Variants in IGDCC3 observed in about 807,000 individuals in gnomAD.
IGDCC3 encodes the protein immunoglobulin superfamily DCC subclass member 3, also known as putative neuronal cell adhesion molecule.
A neutral mutation model predicts 72.0 loss-of-function variants in IGDCC3; 47 were observed. That is an observed-to-expected ratio of 0.65 (90% CI 0.52 to 0.83). The LOEUF is 0.83. Among genes scored for constraint, IGDCC3 ranks in the 40% least tolerant of loss-of-function variants. The pLI, the probability that IGDCC3 is intolerant of heterozygous loss-of-function variation, is 0.00. For missense variants in IGDCC3, 1,038 were observed against 1,091.3 expected, an observed-to-expected ratio of 0.95 and a Z score of 0.69; for synonymous variants, 477 against 472.8, an observed-to-expected ratio of 1.01 and a Z score of -0.11.
chr15:65,376,724 C>A (rs1035460283), intron 1 of IGDCC3, among the ~76,000 whole-genome samples: 17 of 152,176 alleles, frequency 1.1e-4, no homozygotes, highest in African/African-American at 3.6e-4. Context: ...GTCTTAGCCC[C>A]GAATCCAACC....
chr15:65,376,818 C>T (rs956137007), intron 1 of IGDCC3, among the ~76,000 whole-genome samples: 26 of 152,078 alleles, frequency 1.7e-4, no homozygotes, highest in African/African-American at 5.8e-4. Flanking sequence ...GAGAGAATAG[C>T]CCAGATGAGT....
At chr15:65,362,169 GA>G (rs1236332452) in intron 2 of IGDCC3, among the ~76,000 whole-genome samples, 1 of 152,032 alleles carries the variant, frequency 6.6e-6, no homozygotes, top group Non-Finnish European at 1.5e-5. Context: ...TGTTCAGGAT[GA>G]AAATGGGGTA....
intron 2 of IGDCC3, among the ~76,000 whole-genome samples, chr15:65,367,138 G>A (rs1014444523): frequency 2.0e-5 from 3 of 152,124 alleles, no homozygotes; most frequent in Non-Finnish European, 4.4e-5. Context: ...GAGGATAGAC[G>A]TTTCAGATCA....
At chr15:65,371,554 T>G (rs1012389410) in intron 2 of IGDCC3, among the ~76,000 whole-genome samples, 2 of 152,256 alleles carry the variant, frequency 1.3e-5, no homozygotes, top group African/African-American at 4.8e-5. Flanking sequence ...TTGTCAGTCC[T>G]TGGCCTAGAA....
rs548073410 is a variant in IGDCC3 at position 65,377,559 on chromosome 15, C to A, written c.103+127G>T. ...CCCCGTCCGGATCCGCAGGGTCCCC[C>A]CCGCGCGGGGTCCGCCCTCAGGTCC... On this transcript the variant is annotated intron_variant, in intron 1 of 13. Transcript: ENST00000327987. This position sits in a 1 kb window ranked among gnomAD's most constrained non-coding sequence, Gnocchi z 4.9. 7.8e-4 allele frequency: 772 copies of A among 984,544 alleles called. 2 individuals are homozygous for A. The African/African-American group carries it at 0.012, about 15-fold the overall frequency. The allele number at this position is 984,544 out of a possible 1,614,324, so 61.0% of individuals were successfully genotyped here.
intron 5 of IGDCC3, 113 bp downstream of exon 5, chr15:65,334,615 A>C (rs1291455014): frequency 1.2e-5 from 12 of 1,001,246 alleles, no homozygotes; most frequent in African/African-American, 1.7e-5. Flanking sequence ...GGACCCCCAC[A>C]GAGAACAAAC....
chr15:65,335,880 G>T lies in IGDCC3; in HGVS notation c.486C>A (p.Ile162=). The T allele has an allele frequency of 6.2e-7, 1 of 1,614,176 alleles. No individual in the cohort carries two copies. The highest frequency in any genetic ancestry group is 8.5e-7 in the Non-Finnish European group (1 of 1,180,004). Residue 162 remains isoleucine (I), a synonymous_variant, in exon 3 of 14, where the codon ATC becomes ATA. Coordinates refer to ENST00000327987, the MANE Select transcript of IGDCC3 (RefSeq NM_004884.4). ...EGGVARFQCQ[I]HGLPKPLITW... The stretch of plus-strand genomic sequence containing the variant: ...TGATCAGGGGTTTGGGAAGCCCATG[G>T]ATTTGGCACTGGAAGCGGGCCACAC...
chr15:65,374,460 A>G lies in IGDCC3; in HGVS notation c.409+637T>C, dbSNP rs2091345752. 2.6e-5 allele frequency among the ~76,000 whole-genome samples: 4 copies of G among 152,324 alleles called. No individual in the cohort carries two copies. The South Asian group carries it at 8.3e-4, about 32-fold the overall frequency. On this transcript the variant is annotated intron_variant, in intron 2 of 13. Coordinates refer to ENST00000327987, the MANE Select transcript of IGDCC3 (RefSeq NM_004884.4). Reference sequence around the variant, plus strand: ...CGATCAAGCAGCACAAGCAAAGCACAATTCTAGAGCTGAAACATCTTGCCT... The same window carrying G: ...CGATCAAGCAGCACAAGCAAAGCACGATTCTAGAGCTGAAACATCTTGCCT...
At chr15:65,332,439 T>C (rs1454047438) in intron 6 of IGDCC3, among the ~76,000 whole-genome samples, 1 of 152,202 alleles carries the variant, frequency 6.6e-6, no homozygotes, top group African/African-American at 2.4e-5. Flanking sequence ...CTAATAGGTT[T>C]GGCTGCACCT....
At position 65,375,308 on chromosome 15, in the gene IGDCC3, C is replaced by T. The variant is rs1219020285; in HGVS notation, c.198G>A (p.Glu66=). ...GQPIVLDCRV[E]GTPPVRITWR... ...AGGTGATTCGCACTGGAGGGGTCCC[C>T]TCCACCCTGCAGTCCAGCACTATAG... The change falls in exon 2 of 14, where the codon GAG becomes GAA. Residue 66 remains glutamate, a synonymous_variant. Transcript: ENST00000327987. The T allele has an allele frequency of 6.2e-7, 1 of 1,614,044 alleles. No individual in the cohort carries two copies. Among genetic ancestry groups the T allele is most frequent in the Non-Finnish European group, 8.5e-7 (1 of 1,180,034 alleles).
intron 2 of IGDCC3, among the ~76,000 whole-genome samples, chr15:65,358,247 A>C (rs1334342142): frequency 1.3e-5 from 2 of 151,642 alleles, no homozygotes; most frequent in African/African-American, 4.9e-5. Flanking sequence ...CTGGGACTAC[A>C]GGCACCCACC....
chr15:65,376,633 G>T (rs1373776053), intron 1 of IGDCC3, among the ~76,000 whole-genome samples: 3 of 114,512 alleles, frequency 2.6e-5, no homozygotes, highest in Non-Finnish European at 5.1e-5. Context: ...CCCCGGCCCA[G>T]GAAGATGTAA....
Position 65,335,325 on chromosome 15 carries a change from G to A in IGDCC3, c.651C>T (p.Ile217=). The A allele has an allele frequency of 1.9e-6, 3 of 1,613,648 alleles. No individual in the cohort carries two copies. Among genetic ancestry groups the A allele is most frequent in the Non-Finnish European group, 2.5e-6 (3 of 1,179,770 alleles). ...FHCVASNIAS[I]RISHGARLTV... Reference sequence around the variant, plus strand: ...TGAGCCTGGCCCCGTGGCTGATCCGGATACTGGCGATGTTTGAGGCCACAC... The same window carrying A: ...TGAGCCTGGCCCCGTGGCTGATCCGAATACTGGCGATGTTTGAGGCCACAC... The change falls in exon 4 of 14, where the codon ATC becomes ATT. Residue 217 remains isoleucine, a synonymous_variant. Coordinates refer to ENST00000327987, the MANE Select transcript of IGDCC3 (RefSeq NM_004884.4).
chr15:65,372,659 C>T (rs2091334070), intron 2 of IGDCC3, among the ~76,000 whole-genome samples: 1 of 152,114 alleles, frequency 6.6e-6, no homozygotes, highest in Non-Finnish European at 1.5e-5. Context: ...AGCATGCCCC[C>T]TCCCCACGGG....
chr15:65,369,115 C>T (rs767857614), intron 2 of IGDCC3, among the ~76,000 whole-genome samples: 1 of 152,156 alleles, frequency 6.6e-6, no homozygotes, highest in Non-Finnish European at 1.5e-5. Context: ...ACCACAAATG[C>T]TCCCTGCCTT....
intron 2 of IGDCC3, among the ~76,000 whole-genome samples, chr15:65,350,563 G>T (rs2091165322): frequency 6.6e-6 from 1 of 151,204 alleles, no homozygotes; most frequent in Non-Finnish European, 1.5e-5. Context: ...CCAAGTTCAA[G>T]CAATTCTCCT....
intron 2 of IGDCC3, among the ~76,000 whole-genome samples, chr15:65,355,180 C>T (rs931348542): frequency 2.0e-5 from 3 of 152,194 alleles, no homozygotes; most frequent in African/African-American, 4.8e-5. Flanking sequence ...AAGCCCGGCC[C>T]CCGCGGGGCC....
At chr15:65,330,461 G>A (rs2090966305) in intron 10 of IGDCC3, 64 bp from the exon 11 acceptor site, 3 of 1,576,918 alleles carry the variant, frequency 1.9e-6, no homozygotes, top group Non-Finnish European at 2.6e-6. Flanking sequence ...TCCTAGCCAG[G>A]AAAGGGAGGT....
At position 65,335,139 on chromosome 15, in the gene IGDCC3, T is replaced by C. The variant is rs933938636; in HGVS notation, c.685+152A>G. 3 of 872,180 alleles carry C rather than the reference T, an allele frequency of 3.4e-6. No homozygotes were observed. The African/African-American group carries it at 5.1e-5, about 15-fold the overall frequency. 54.0% of individuals were successfully genotyped at this position (872,180 alleles called of 1,614,324 possible). A position where few individuals can be genotyped will look rare whatever the true frequency, so the allele number is the denominator to read the frequency against. On this transcript the variant is annotated intron_variant, in intron 4 of 13. Coordinates refer to ENST00000327987, the MANE Select transcript of IGDCC3 (RefSeq NM_004884.4). ...CCAGAGATCCAGCCTTAGATTCCTG[T>C]GCACCCTCACGCCAGGCAGCACAGA...
Sources: gnomAD v4.1 joint callset for allele counts (sites outside exome capture counted in the v4.1 genomes callset) on GRCh38, gnomAD v4.1.1 for gene constraint, Gnocchi (gnomAD v3.1) non-coding constraint, MANE v1.5 for transcripts, NCBI Gene and HGNC (gene_info 2026-07-23, HGNC 2026-07-21) for gene names.